The following GLMN variants were observed in gnomAD, a reference collection of about 807,000 sequenced individuals.
GLMN encodes glomulin, FKBP associated protein.
Under a neutral mutation model 87.8 loss-of-function variants are expected in GLMN, and 75 were observed. The observed-to-expected ratio is 0.85, with a 90% CI of 0.71 to 1.04. GLMN has a LOEUF of 1.04. Among genes scored for constraint, GLMN ranks in the 50% least tolerant of loss-of-function variants. GLMN has a pLI of 0.00. For synonymous variants in GLMN, 206 were observed against 221.6 expected (o/e 0.93, Z 0.63); for missense variants, 588 against 658.8 (o/e 0.89, Z 1.18).
At chr1:92,348,752 A>G in the GLMN span, among the ~76,000 whole-genome samples, 2 of 152,196 alleles carry the variant, frequency 1.3e-5, no homozygotes, top group Non-Finnish European at 2.9e-5. Context: ...AAATTAAAAT[A>G]CATATTCATC....
At chr1:92,254,020 TA>T (rs1239976513) in intron 16 of GLMN, among the ~76,000 whole-genome samples, 6 of 152,066 alleles carry the variant, frequency 3.9e-5, no homozygotes, top group Admixed American at 2.6e-4. Flanking sequence ...AGAACCTTGA[TA>T]AAAGGTTAGA....
At chr1:92,283,660 G>A (rs2101002728) in intron 7 of GLMN, among the ~76,000 whole-genome samples, 1 of 152,264 alleles carries the variant, frequency 6.6e-6, no homozygotes, top group East Asian at 1.9e-4. Flanking sequence ...TATTTGATTA[G>A]GAAAAGAGGA....
In GLMN at chr1:92,247,096, T is replaced by G. The variant is rs746209178; in HGVS notation, c.1634A>C (p.Glu545Ala). The G allele has an allele frequency of 6.3e-7, 1 of 1,578,660 alleles. No individual in the cohort carries two copies. The highest frequency in any genetic ancestry group is 1.1e-5 in the South Asian group (1 of 90,364). The change falls in exon 18 of 19, where the codon GAG becomes GCG. Residue 545 changes from glutamate to alanine, a missense_variant. Transcript: ENST00000370360. ...CATTTCAGGAGGCATATTAGGGATC[T>G]CTTCTCCACTTACAGTTATAGAACA... ...DLCSITVSGEEIPNMPPEMQL... is the reference protein window; with the variant it reads ...DLCSITVSGEAIPNMPPEMQL...
chr1:92,248,902 C>T (rs1653044994), intron 16 of GLMN, among the ~76,000 whole-genome samples: 1 of 152,034 alleles, frequency 6.6e-6, no homozygotes, highest in Non-Finnish European at 1.5e-5. Context: ...GGATCTAAAA[C>T]CCTCAAAAAT....
At chr1:92,274,650 A>G (rs1052070160) in intron 7 of GLMN, among the ~76,000 whole-genome samples, 14 of 151,802 alleles carry the variant, frequency 9.2e-5, no homozygotes, top group African/African-American at 3.1e-4. Flanking sequence ...CATTGCATCC[A>G]CTCTCATGGT....
chr1:92,247,332 T>G lies in GLMN; in HGVS notation c.1586-188A>C, dbSNP rs1652823045. ...AATGAAATATCAAAATTCTGCAACA[T>G]GTAAATTAATGCTTCTTTAGATAAA... On this transcript the variant is annotated intron_variant, in intron 17 of 18. Transcript: ENST00000370360. 2.0e-5 allele frequency among the ~76,000 whole-genome samples: 3 copies of G among 152,210 alleles called. No homozygotes were observed. The South Asian group carries it at 6.2e-4, about 31-fold the overall frequency.
chr1:92,291,355 T>G (rs1037280937), intron 4 of GLMN, 63 bp downstream of exon 4: 5 of 1,381,198 alleles, frequency 3.6e-6, no homozygotes, highest in Non-Finnish European at 5.1e-6. Context: ...CAATAAACAT[T>G]AAAGGGAATT....
chr1:92,293,309 T>C (rs962579459), intron 3 of GLMN, among the ~76,000 whole-genome samples: 3 of 152,066 alleles, frequency 2.0e-5, no homozygotes, highest in African/African-American at 4.8e-5. Context: ...CAATAACAAA[T>C]GCTGGCAAGG....
intron 2 of GLMN, 73 bp from the exon 3 acceptor site, chr1:92,297,602 T>A: frequency 8.0e-7 from 1 of 1,246,066 alleles, no homozygotes; most frequent in Admixed American, 2.0e-5. Context: ...ATACAATAAC[T>A]TCTTGATTTA....
intron 16 of GLMN, among the ~76,000 whole-genome samples, chr1:92,248,666 AG>A (rs1653012713): frequency 6.6e-6 from 1 of 152,166 alleles, no homozygotes; most frequent in Admixed American, 6.6e-5. Context: ...AGGGAAACGT[AG>A]GGACCCAATT....
chr1:92,322,279 G>A, the GLMN span, among the ~76,000 whole-genome samples: 1 of 150,706 alleles, frequency 6.6e-6, no homozygotes, highest in African/African-American at 2.4e-5. Flanking sequence ...TTTTAAAAAG[G>A]TCAGCCAGTA....
chr1:92,309,922 G>C, the GLMN span, among the ~76,000 whole-genome samples: 1 of 152,184 alleles, frequency 6.6e-6, no homozygotes, highest in Non-Finnish European at 1.5e-5. Flanking sequence ...AAATGTTTTT[G>C]AGCAGAATTT....
chr1:92,271,489 A>G lies in GLMN; in HGVS notation c.899T>C (p.Ile300Thr), dbSNP rs34062020. 1.5e-4 allele frequency: 247 copies of G among 1,613,008 alleles called. 1 individual carries two copies. In the African/African-American group the frequency reaches 2.8e-3, roughly 18 times the overall value. ...CCTTAAGACCATTGGAAGCTGATCAATATGGATGCCCTGTACAAATACTAG... is the reference window on the plus strand; with the variant it reads ...CCTTAAGACCATTGGAAGCTGATCAGTATGGATGCCCTGTACAAATACTAG... ...AYLVFVQGIHIDQLPMVLSPL... is the reference protein window; with the variant it reads ...AYLVFVQGIHTDQLPMVLSPL... The change falls in exon 8 of 19, where the codon ATT becomes ACT. Residue 300 changes from isoleucine to threonine, a missense_variant. Transcript: ENST00000370360.
the GLMN span, among the ~76,000 whole-genome samples, chr1:92,347,673 T>C: frequency 6.6e-6 from 1 of 152,218 alleles, no homozygotes; most frequent in Non-Finnish European, 1.5e-5. Context: ...GATTATTCTA[T>C]ACAAAAGTAA....
chr1:92,322,569 C>CAAAAAAT, the GLMN span, among the ~76,000 whole-genome samples: 2 of 149,934 alleles, frequency 1.3e-5, no homozygotes, highest in Admixed American at 6.6e-5. Flanking sequence ...AAATAAAATA[C>CAAAAAAT]AAAAAATAAA....
the GLMN span, among the ~76,000 whole-genome samples, chr1:92,331,133 TATTGGGTATAAATGTAAA>T: frequency 6.6e-6 from 1 of 152,236 alleles, no homozygotes; most frequent in Non-Finnish European, 1.5e-5. Flanking sequence ...GAGACCATGT[TATTGGGTATAAATGTAAA>T]ATTGTTATGT....
At chr1:92,352,689 ATAAAAT>A in the GLMN span, among the ~76,000 whole-genome samples, 3 of 152,202 alleles carry the variant, frequency 2.0e-5, no homozygotes, top group Non-Finnish European at 4.4e-5. Flanking sequence ...TAAAGTTGAG[ATAAAAT>A]TAATATACAG....
At chr1:92,368,852 A>C in the GLMN span, among the ~76,000 whole-genome samples, 1 of 152,236 alleles carries the variant, frequency 6.6e-6, no homozygotes, top group Non-Finnish European at 1.5e-5. Context: ...GCAGTTTGAC[A>C]CTTGGCTTTT....
At chr1:92,292,885 C>G (rs929813614) in intron 3 of GLMN, among the ~76,000 whole-genome samples, 1 of 151,534 alleles carries the variant, frequency 6.6e-6, no homozygotes, top group Non-Finnish European at 1.5e-5. Context: ...TTAGCTGGGT[C>G]TGGTGGCACA....
Sources: allele counts gnomAD v4.1 joint callset (sites outside exome capture counted in the v4.1 genomes callset), GRCh38; gene constraint gnomAD v4.1.1; transcripts MANE v1.5; gene names NCBI Gene and HGNC (gene_info 2026-07-23, HGNC 2026-07-21).